EYA4: variants seen among roughly 807,000 people sequenced by gnomAD.
EYA4 encodes the protein EYA transcriptional coactivator and phosphatase 4.
In EYA4, 31 loss-of-function variants were observed where a neutral mutation model predicts 87.9. The observed-to-expected ratio is 0.35, with a 90% CI of 0.27 to 0.48. The LOEUF (loss-of-function observed/expected upper bound fraction) is 0.48, where lower values mean the gene tolerates loss of function less well. EYA4 is among the 20% of genes least tolerant of loss of function. The probability of loss-of-function intolerance (pLI) is 0.99; values close to 1 mark genes in which losing one functional copy is unlikely to be tolerated. For synonymous variants in EYA4, 263 were observed against 270.6 expected (o/e 0.97, Z 0.28); for missense variants, 678 against 761.4 (o/e 0.89, Z 1.29).
chr6:133,523,396 G>T (rs1800353704), intron 18 of EYA4, among the ~76,000 whole-genome samples: 1 of 152,128 alleles, frequency 6.6e-6, no homozygotes, highest in Non-Finnish European at 1.5e-5. Context: ...TTTCATTCTT[G>T]TATTTCACAG....
At chr6:133,403,976 G>A (rs942016927) in intron 3 of EYA4, among the ~76,000 whole-genome samples, 2 of 152,022 alleles carry the variant, frequency 1.3e-5, no homozygotes, top group African/African-American at 2.4e-5. Context: ...CACCACACCT[G>A]GGTAATTTTG....
intron 3 of EYA4, among the ~76,000 whole-genome samples, chr6:133,409,875 GAT>G (rs1336756369): frequency 6.6e-6 from 1 of 152,130 alleles, no homozygotes; most frequent in East Asian, 1.9e-4. Flanking sequence ...TGAAAGAAAT[GAT>G]ATGTTGATTG....
chr6:133,498,790 T>G (rs1317997938), intron 13 of EYA4, among the ~76,000 whole-genome samples: 4 of 152,188 alleles, frequency 2.6e-5, no homozygotes, highest in African/African-American at 7.2e-5. Context: ...CAGTGACATA[T>G]CTCGAACTCT....
At chr6:133,382,691 C>G (rs1453089741) in intron 3 of EYA4, among the ~76,000 whole-genome samples, 1 of 151,014 alleles carries the variant, frequency 6.6e-6, no homozygotes, top group Non-Finnish European at 1.5e-5. Flanking sequence ...AAAAAAATCC[C>G]TTGGCATTAA....
chr6:133,315,500 G>T (rs531774855), intron 2 of EYA4, among the ~76,000 whole-genome samples: 1 of 152,252 alleles, frequency 6.6e-6, no homozygotes, highest in East Asian at 1.9e-4. Context: ...GTGAGGTTGG[G>T]TTGTCAGATA....
At chr6:133,421,611 A>G (rs950986513) in intron 3 of EYA4, among the ~76,000 whole-genome samples, 1 of 152,184 alleles carries the variant, frequency 6.6e-6, no homozygotes, top group African/African-American at 2.4e-5. Flanking sequence ...ATTGAATTGC[A>G]AAGTCTAGAC....
At chr6:133,263,949 A>C (rs1180408982) in intron 1 of EYA4, among the ~76,000 whole-genome samples, 1 of 152,174 alleles carries the variant, frequency 6.6e-6, no homozygotes, top group Non-Finnish European at 1.5e-5. Context: ...TGGCAGCTGC[A>C]ATTTTTAAAT....
At chr6:133,464,722 T>C in intron 9 of EYA4, 57 bp from the exon 10 acceptor site, 2 of 1,095,480 alleles carry the variant, frequency 1.8e-6, no homozygotes, top group Non-Finnish European at 2.8e-6. Flanking sequence ...CAAAGTGAAA[T>C]ATCTTTATCA....
At chr6:133,490,422 G>A (rs148479124) in intron 13 of EYA4, among the ~76,000 whole-genome samples, 17 of 150,662 alleles carry the variant, frequency 1.1e-4, no homozygotes, top group South Asian at 8.5e-4. Context: ...GTGACCCAGC[G>A]ATCTCTTGCC....
At chr6:133,257,093 T>C (rs1775399628) in intron 1 of EYA4, among the ~76,000 whole-genome samples, 1 of 152,194 alleles carries the variant, frequency 6.6e-6, no homozygotes, top group African/African-American at 2.4e-5. Context: ...AAGTACTGTA[T>C]GTGTGTAGAA....
chr6:133,531,327 A>G lies in EYA4; in HGVS notation c.*2522A>G. On this transcript the variant is annotated 3_prime_UTR_variant, in exon 20 of 20. Transcript: ENST00000355286. ...CTTGGCCATGGGACGTTGAGTATGC[A>G]CAAACTAGAACTCTTCCCTTCCCAC... 3.8e-6 allele frequency: 3 copies of G among 781,810 alleles called. No homozygotes were observed. The highest frequency in any genetic ancestry group is 6.3e-6 in the Non-Finnish European group (3 of 478,388). The allele number at this position is 781,810 out of a possible 1,614,324, so 48.4% of individuals were successfully genotyped here.
chr6:133,430,533 GA>G (rs1251316890), intron 3 of EYA4, among the ~76,000 whole-genome samples: 4 of 152,178 alleles, frequency 2.6e-5, no homozygotes, highest in Admixed American at 2.0e-4. Context: ...ATTTAAGGAT[GA>G]AAAATATTAG....
intron 3 of EYA4, among the ~76,000 whole-genome samples, chr6:133,409,250 A>G (rs1443235900): frequency 3.3e-5 from 5 of 152,218 alleles, no homozygotes; most frequent in Non-Finnish European, 7.4e-5. Flanking sequence ...TTGCAGCGTT[A>G]TTCACAATAA....
At chr6:133,447,281 T>C (rs902679710) in intron 4 of EYA4, among the ~76,000 whole-genome samples, 2 of 152,184 alleles carry the variant, frequency 1.3e-5, no homozygotes, top group Non-Finnish European at 2.9e-5. Context: ...AAAAAGGAAT[T>C]GCATTTTTTT....
intron 1 of EYA4, among the ~76,000 whole-genome samples, chr6:133,263,008 A>C (rs186805212): frequency 7.0e-4 from 106 of 152,284 alleles, no homozygotes; most frequent in African/African-American, 2.4e-3. Context: ...AATTGGAGCT[A>C]GGTGTTCTTT....
chr6:133,511,936 G>A (rs1198173713), intron 14 of EYA4, among the ~76,000 whole-genome samples: 8 of 151,554 alleles, frequency 5.3e-5, no homozygotes, highest in South Asian at 2.1e-4. Context: ...AGCCGAGATC[G>A]CGCCACTGCA....
intron 2 of EYA4, among the ~76,000 whole-genome samples, chr6:133,312,709 C>A (rs1213493483): frequency 1.3e-5 from 2 of 152,140 alleles, no homozygotes; most frequent in East Asian, 3.9e-4. Flanking sequence ...CAAGACTCCA[C>A]CCTCAACAAC....
chr6:133,300,069 G>A (rs60092770), intron 2 of EYA4, among the ~76,000 whole-genome samples: 6 of 151,784 alleles, frequency 4.0e-5, no homozygotes, highest in East Asian at 1.9e-4. Flanking sequence ...TTGGTGTTAC[G>A]TATATTATGT....
intron 3 of EYA4, chr6:133,439,242 T>C (rs950256208): frequency 2.0e-5 from 3 of 152,224 alleles, no homozygotes; most frequent in African/African-American, 7.2e-5. Context: ...GTTTGTTCCA[T>C]GATTGGCAAA....
Sources: allele counts gnomAD v4.1 joint callset (sites outside exome capture counted in the v4.1 genomes callset), GRCh38; gene constraint gnomAD v4.1.1; transcripts MANE v1.5; gene names NCBI Gene and HGNC (gene_info 2026-07-23, HGNC 2026-07-21).